FAM81A: variants seen among roughly 807,000 people sequenced by gnomAD.
FAM81A encodes protein FAM81A.
Under a neutral mutation model 46.7 loss-of-function variants are expected in FAM81A, and 19 were observed. The observed-to-expected ratio is 0.41, with a 90% confidence interval of 0.28 to 0.60. The LOEUF (loss-of-function observed/expected upper bound fraction) is 0.60, where lower values mean the gene tolerates loss of function less well. Among genes scored for constraint, FAM81A ranks in the 20% least tolerant of loss-of-function variants. The probability of loss-of-function intolerance (pLI) is 0.34; values close to 1 mark genes in which losing one functional copy is unlikely to be tolerated. For missense variants in FAM81A, 377 were observed against 453.5 expected (o/e 0.83, Z 1.53); for synonymous variants, 183 against 152.9 (o/e 1.20, Z -1.45).
At chr15:59,487,232 A>G (rs1166290553) in intron 3 of FAM81A, among the ~76,000 whole-genome samples, 1 of 146,366 alleles carries the variant, frequency 6.8e-6, no homozygotes, top group Non-Finnish European at 1.5e-5. Context: ...TATTATATAT[A>G]TATTATATAT....
chr15:59,406,450 T>A (rs2081095184), intron 2 of FAM81A, among the ~76,000 whole-genome samples: 1 of 152,218 alleles, frequency 6.6e-6, no homozygotes, highest in Non-Finnish European at 1.5e-5. Flanking sequence ...CTATTTGGCA[T>A]ACCAATTTAA....
chr15:59,493,860 T>G (rs2082006828), intron 4 of FAM81A, among the ~76,000 whole-genome samples: 2 of 152,144 alleles, frequency 1.3e-5, no homozygotes, highest in Non-Finnish European at 2.9e-5. Context: ...AGTGCTGGGA[T>G]TACAGGTGTG....
intron 2 of FAM81A, among the ~76,000 whole-genome samples, chr15:59,415,141 T>C (rs1351249134): frequency 3.6e-5 from 5 of 139,786 alleles, no homozygotes; most frequent in Non-Finnish European, 7.7e-5. Context: ...CTTTTCGTGA[T>C]GAAATTTTGC....
At chr15:59,519,104 T>C (rs1045401183) in intron 8 of FAM81A, among the ~76,000 whole-genome samples, 13 of 152,064 alleles carry the variant, frequency 8.5e-5, no homozygotes, top group African/African-American at 2.7e-4. Flanking sequence ...GCAATTTGTA[T>C]CTTTTGACCT....
At chr15:59,436,645 C>T (rs1338596007), upstream of FAM81A, among the ~76,000 whole-genome samples, 1 of 152,096 alleles carries the variant, frequency 6.6e-6, no homozygotes, top group Non-Finnish European at 1.5e-5. Flanking sequence ...CAGTTACAGC[C>T]AGAAGGTCAC....
chr15:59,511,553 G>A (rs1157933605), intron 6 of FAM81A, among the ~76,000 whole-genome samples: 3 of 152,194 alleles, frequency 2.0e-5, no homozygotes, highest in Non-Finnish European at 2.9e-5. Context: ...ACAGTCTGGT[G>A]TTTTCTGGAA....
At chr15:59,443,117 C>T (rs542247681) in intron 1 of FAM81A, among the ~76,000 whole-genome samples, 1 of 152,318 alleles carries the variant, frequency 6.6e-6, no homozygotes, top group South Asian at 2.1e-4. Flanking sequence ...GAGTCTTGCT[C>T]GGTTGCCCAG....
chr15:59,448,526 AAGAT>A (rs200744810), intron 1 of FAM81A, among the ~76,000 whole-genome samples: 14 of 141,176 alleles, frequency 9.9e-5, no homozygotes, highest in South Asian at 2.3e-4. Flanking sequence ...AATGTTTAGT[AAGAT>A]AGATAGATAG....
intron 1 of FAM81A, among the ~76,000 whole-genome samples, chr15:59,457,148 G>A (rs1177098829): frequency 6.6e-6 from 1 of 152,036 alleles, no homozygotes; most frequent in African/African-American, 2.4e-5. Context: ...ATTATCCAAG[G>A]TCAACCATGG....
chr15:59,466,659 CT>C (rs1467826620), intron 3 of FAM81A, among the ~76,000 whole-genome samples: 1 of 152,112 alleles, frequency 6.6e-6, no homozygotes, highest in Non-Finnish European at 1.5e-5. Flanking sequence ...TGTAGGTTGC[CT>C]GTTCACTCTG....
intron 1 of FAM81A, among the ~76,000 whole-genome samples, chr15:59,447,079 T>C (rs1291644555): frequency 1.3e-5 from 2 of 152,160 alleles, no homozygotes; most frequent in Admixed American, 1.3e-4. Flanking sequence ...AAAAGCAGAA[T>C]AAAAATGTAC....
chr15:59,414,779 T>G (rs2081138407), intron 2 of FAM81A, among the ~76,000 whole-genome samples: 1 of 152,194 alleles, frequency 6.6e-6, no homozygotes, highest in Admixed American at 6.5e-5. Flanking sequence ...GCGATGGCAT[T>G]TCCTGAACTC....
At chr15:59,484,505 A>G (rs1426245489) in intron 3 of FAM81A, among the ~76,000 whole-genome samples, 3 of 152,190 alleles carry the variant, frequency 2.0e-5, no homozygotes, top group Non-Finnish European at 4.4e-5. Flanking sequence ...CCCCTCCACC[A>G]TTCCCTGTCA....
chr15:59,413,965 T>G (rs747898498), intron 2 of FAM81A, among the ~76,000 whole-genome samples: 6 of 152,070 alleles, frequency 3.9e-5, no homozygotes, highest in Non-Finnish European at 7.4e-5. Flanking sequence ...TTCTTTTTCT[T>G]TTTTTAGAGA....
upstream of FAM81A, among the ~76,000 whole-genome samples, chr15:59,435,632 A>C (rs2081239935): frequency 1.3e-5 from 2 of 152,228 alleles, no homozygotes; most frequent in Admixed American, 6.5e-5. Flanking sequence ...AAAAGAAAGA[A>C]GAAAAATGAA....
chr15:59,481,558 T>C (rs2081851389), intron 3 of FAM81A, among the ~76,000 whole-genome samples: 1 of 152,124 alleles, frequency 6.6e-6, no homozygotes, highest in Non-Finnish European at 1.5e-5. Flanking sequence ...TTTTCTATGC[T>C]TTCTTTTTGC....
At chr15:59,466,887 G>A (rs2081620646) in intron 3 of FAM81A, among the ~76,000 whole-genome samples, 1 of 152,124 alleles carries the variant, frequency 6.6e-6, no homozygotes, top group East Asian at 1.9e-4. Context: ...TTTTGTATAA[G>A]GTGTAAGGAA....
chr15:59,450,828 A>G (rs2081410278), intron 1 of FAM81A, among the ~76,000 whole-genome samples: 2 of 152,246 alleles, frequency 1.3e-5, no homozygotes, highest in East Asian at 3.8e-4. Context: ...TTCTATTTCC[A>G]GTGAACAGAA....
At chr15:59,439,775 A>G (rs1173282817) in intron 1 of FAM81A, among the ~76,000 whole-genome samples, 2 of 152,162 alleles carry the variant, frequency 1.3e-5, no homozygotes, top group Non-Finnish European at 2.9e-5. Flanking sequence ...CAGGAATTCA[A>G]CCATGAAGCC....
Sources: gnomAD v4.1 joint callset for allele counts (sites outside exome capture counted in the v4.1 genomes callset) on GRCh38, gnomAD v4.1.1 for gene constraint, MANE v1.5 for transcripts, NCBI Gene and HGNC (gene_info 2026-07-23, HGNC 2026-07-21) for gene names.